TGFBR1: variants seen among roughly 807,000 people sequenced by gnomAD.
TGFBR1 encodes the protein TGF-beta receptor type-1.
In TGFBR1, 20 loss-of-function variants were observed where a neutral mutation model predicts 55.1. The observed-to-expected ratio is 0.36, with a 90% CI of 0.26 to 0.53. The LOEUF (loss-of-function observed/expected upper bound fraction) is 0.53, where lower values mean the gene tolerates loss of function less well. TGFBR1 is among the 20% of genes least tolerant of loss of function. The probability of loss-of-function intolerance (pLI) is 0.91; values close to 1 mark genes in which losing one functional copy is unlikely to be tolerated. For synonymous variants in TGFBR1, 220 were observed against 214.8 expected (o/e 1.02, Z -0.21); for missense variants, 385 against 617.6 (o/e 0.62, Z 3.99).
chr9:99,122,439 T>C (rs1304434050), intron 1 of TGFBR1, among the ~76,000 whole-genome samples: 1 of 152,094 alleles, frequency 6.6e-6, no homozygotes, highest in Non-Finnish European at 1.5e-5. Flanking sequence ...TGCTTCCATA[T>C]GTGACCTCGA....
intron 4 of TGFBR1, 45 bp downstream of exon 4, chr9:99,138,134 C>T: frequency 6.5e-7 from 1 of 1,528,480 alleles, no homozygotes; most frequent in Non-Finnish European, 9.1e-7. Context: ...AACAAGATCT[C>T]TTTAAGTCTT....
intron 1 of TGFBR1, among the ~76,000 whole-genome samples, chr9:99,125,181 A>G (rs766435791): frequency 2.0e-5 from 3 of 152,188 alleles, no homozygotes; most frequent in Non-Finnish European, 4.4e-5. Context: ...CTCATCAGTA[A>G]TGTTATGCAG....
At chr9:99,137,731 A>G in intron 3 of TGFBR1, 128 bp from the exon 4 acceptor site, 1 of 710,936 alleles carries the variant, frequency 1.4e-6, no homozygotes, top group Non-Finnish European at 2.5e-6. Context: ...ATATCTCCCC[A>G]GTGAGATAAA....
chr9:99,148,727 G>A (rs1827880775), intron 8 of TGFBR1, among the ~76,000 whole-genome samples: 1 of 152,102 alleles, frequency 6.6e-6, no homozygotes, highest in African/African-American at 2.4e-5. Context: ...ATCTACTTGG[G>A]AGGCTGAAGT....
rs540978964 is a variant in TGFBR1, at chr9:99,151,375, T to A, written c.*2070T>A. On this transcript the variant is annotated 3_prime_UTR_variant, in exon 9 of 9. Coordinates refer to ENST00000374994, the MANE Select transcript of TGFBR1 (RefSeq NM_004612.4). Reference sequence around the variant, plus strand: ...TCTCTAATTCTGTGATCAGGTACTTTTTTTGTGGGGGTTTTTTTTTTGTTT... The same window carrying A: ...TCTCTAATTCTGTGATCAGGTACTTATTTTGTGGGGGTTTTTTTTTTGTTT... The A allele has an allele frequency of 7.0e-5, 16 of 228,860 alleles. No individual in the cohort carries two copies. The highest frequency in any genetic ancestry group is 3.6e-4 in the African/African-American group (16 of 44,580). The allele number at this position is 228,860 out of a possible 1,614,324, so 14.2% of individuals were successfully genotyped here.
rs1827963800 is a variant in TGFBR1 at position 99,150,954 on chromosome 9, A to ATGAGTCTTGCC, written c.*1650_*1651insGAGTCTTGCCT. ...TCTTATTCTGAGGGGAGAAAAAACT[A>ATGAGTCTTGCC]TCATAGCTCTGAGGCAAGACTTCGA... On this transcript the variant is annotated 3_prime_UTR_variant, in exon 9 of 9. Coordinates refer to ENST00000374994, the MANE Select transcript of TGFBR1 (RefSeq NM_004612.4). 1 of 226,160 alleles carries ATGAGTCTTGCC rather than the reference A, an allele frequency of 4.4e-6. No individual in the cohort carries two copies. Among genetic ancestry groups the ATGAGTCTTGCC allele is most frequent in the Admixed American group, 5.7e-5 (1 of 17,534 alleles). The allele number at this position is 226,160 out of a possible 1,614,324, so 14.0% of individuals were successfully genotyped here. A position where few individuals can be genotyped will look rare whatever the true frequency, so the allele number is the denominator to read the frequency against.
At chr9:99,110,743 A>G (rs891040129) in intron 1 of TGFBR1, among the ~76,000 whole-genome samples, 7 of 152,184 alleles carry the variant, frequency 4.6e-5, no homozygotes, top group African/African-American at 9.7e-5. Context: ...AATTGACACA[A>G]TTTTGCTCAG....
chr9:99,151,254 G>GT lies in TGFBR1; in HGVS notation c.*1956dup, dbSNP rs1827971039. 4.3e-6 allele frequency: 1 copy of GT among 231,508 alleles called. No homozygotes were observed. Among genetic ancestry groups the GT allele is most frequent in the Non-Finnish European group, 8.5e-6 (1 of 117,134 alleles). 14.3% of individuals were successfully genotyped at this position (231,508 alleles called of 1,614,324 possible). A position where few individuals can be genotyped will look rare whatever the true frequency, so the allele number is the denominator to read the frequency against. ...GTTACTATTTTGACTACAAAGTTGA[G>GT]TTTTTTTCTGTAGTTACCATAATTT... On this transcript the variant is annotated 3_prime_UTR_variant, in exon 9 of 9. Coordinates refer to ENST00000374994, the MANE Select transcript of TGFBR1 (RefSeq NM_004612.4).
At position 99,132,783 on chromosome 9, in the gene TGFBR1, A is replaced by AT. The variant is rs369875095; in HGVS notation, c.574+46dup. 449 of 1,611,602 alleles carry AT rather than the reference A, an allele frequency of 2.8e-4. 3 individuals are homozygous for AT. In the East Asian group the frequency reaches 8.3e-3, roughly 30 times the overall value. On this transcript the variant is annotated intron_variant, in intron 3 of 8. Transcript: ENST00000374994. Reference sequence around the variant, plus strand: ...CTTTTTCCTAAGACATCTTTTTAAAATTAAGCGATACTTATTTTATTAGTT... The same window carrying AT: ...CTTTTTCCTAAGACATCTTTTTAAAATTTAAGCGATACTTATTTTATTAGTT...
At position 99,105,900 on chromosome 9, in the gene TGFBR1, C is replaced by G. The variant is rs925880926; in HGVS notation, c.97+598C>G. On this transcript the variant is annotated intron_variant, in intron 1 of 8. Coordinates refer to ENST00000374994, the MANE Select transcript of TGFBR1 (RefSeq NM_004612.4). Reference sequence around the variant, plus strand: ...CCTGGGTCCGCAGGCCGCCCTGACTCCCGCCCGGCTCGACCCGAGCCGACC... The same window carrying G: ...CCTGGGTCCGCAGGCCGCCCTGACTGCCGCCCGGCTCGACCCGAGCCGACC... 5.3e-5 allele frequency among the ~76,000 whole-genome samples: 8 copies of G among 152,212 alleles called. 1 individual carries two copies. The highest frequency in any genetic ancestry group is 1.7e-4 in the African/African-American group (7 of 41,466).
At chr9:99,130,874 G>T (rs749402630) in intron 2 of TGFBR1, among the ~76,000 whole-genome samples, 38 of 152,144 alleles carry the variant, frequency 2.5e-4, no homozygotes, top group Non-Finnish European at 4.3e-4. Flanking sequence ...CCCAACTGAT[G>T]AATGTTTTTA....
At position 99,149,166 on chromosome 9, in the gene TGFBR1, A is replaced by G; in HGVS notation, c.1387-14A>G. On this transcript the variant is annotated splice_polypyrimidine_tract_variant and intron_variant, in intron 8 of 8. Transcript: ENST00000374994. ...GGTGCATGCATTAATTTTTTTTTTT[A>G]TATTTTCTTGTAGGCCTTGAGAGTA... 1 of 1,571,050 alleles carries G rather than the reference A, an allele frequency of 6.4e-7. No homozygotes were observed. Among genetic ancestry groups the G allele is most frequent in the Non-Finnish European group, 8.6e-7 (1 of 1,156,884 alleles).
intron 8 of TGFBR1, among the ~76,000 whole-genome samples, chr9:99,148,574 T>TAC (rs1331603543): frequency 6.6e-6 from 1 of 152,186 alleles, no homozygotes; most frequent in Non-Finnish European, 1.5e-5. Context: ...GAACCTCTGA[T>TAC]AAGCAAGAGA....
intron 7 of TGFBR1, among the ~76,000 whole-genome samples, chr9:99,147,004 G>A (rs334355): frequency 0.24 from 37,056 of 152,026 alleles, 4,804 homozygotes; most frequent in East Asian, 0.47. Flanking sequence ...GATAGTTACA[G>A]TTACATACAC....
At chr9:99,113,041 C>T (rs1010120048) in intron 1 of TGFBR1, among the ~76,000 whole-genome samples, 8 of 152,268 alleles carry the variant, frequency 5.3e-5, no homozygotes, top group African/African-American at 1.9e-4. Context: ...ATCTGGAGTC[C>T]TGGTCCGTTT....
intron 5 of TGFBR1, 135 bp from the exon 6 acceptor site, chr9:99,144,597 C>T (rs1827730852): frequency 2.2e-6 from 2 of 896,556 alleles, no homozygotes; most frequent in Non-Finnish European, 3.6e-6. Flanking sequence ...TTTAATAATG[C>T]CGTAAGTATT....
At position 99,153,803 on chromosome 9, in the gene TGFBR1, C is replaced by T. The variant is rs200426010; in HGVS notation, c.*4498C>T. 5 of 209,004 alleles carry T rather than the reference C, an allele frequency of 2.4e-5. No homozygotes were observed. The highest frequency in any genetic ancestry group is 1.2e-4 in the Admixed American group (2 of 16,916). The allele number at this position is 209,004 out of a possible 1,614,324, so 12.9% of individuals were successfully genotyped here. Reference sequence around the variant, plus strand: ...GCAAGTTACAATATTATAGCGTGTTCGGGGAGTGCCCTCCTGTCTGCAGGT... The same window carrying T: ...GCAAGTTACAATATTATAGCGTGTTTGGGGAGTGCCCTCCTGTCTGCAGGT... On this transcript the variant is annotated 3_prime_UTR_variant, in exon 9 of 9. Coordinates refer to ENST00000374994, the MANE Select transcript of TGFBR1 (RefSeq NM_004612.4).
intron 1 of TGFBR1, among the ~76,000 whole-genome samples, chr9:99,110,872 T>C (rs1826545633): frequency 6.6e-6 from 1 of 152,258 alleles, no homozygotes; most frequent in Admixed American, 6.5e-5. Flanking sequence ...CTCCAGGGTA[T>C]GTACTCTTTT....
At chr9:99,113,227 T>C (rs1826636358) in intron 1 of TGFBR1, among the ~76,000 whole-genome samples, 1 of 152,194 alleles carries the variant, frequency 6.6e-6, no homozygotes, top group African/African-American at 2.4e-5. Context: ...GTGTGGTTCT[T>C]GGCTGAGATA....
Sources: allele counts gnomAD v4.1 joint callset (sites outside exome capture counted in the v4.1 genomes callset), GRCh38; gene constraint gnomAD v4.1.1; transcripts MANE v1.5; gene names NCBI Gene and HGNC (gene_info 2026-07-23, HGNC 2026-07-21).